The following FRMD5 variants were observed in gnomAD, a reference collection of about 807,000 sequenced individuals.
FRMD5 encodes FERM domain-containing protein 5.
Under a neutral mutation model 69.0 loss-of-function variants are expected in FRMD5, and 20 were observed. The observed-to-expected ratio is 0.29, with a 90% CI of 0.20 to 0.42. FRMD5 has a LOEUF of 0.42. Among genes scored for constraint, FRMD5 ranks in the 10% least tolerant of loss-of-function variants. The pLI is 1.00. For missense variants in FRMD5, 595 were observed against 708.6 expected, an observed-to-expected ratio of 0.84 and a Z score of 1.82; for synonymous variants, 271 against 260.1, an observed-to-expected ratio of 1.04 and a Z score of -0.40.
intron 1 of FRMD5, among the ~76,000 whole-genome samples, chr15:44,161,289 T>C (rs1466874701): frequency 1.3e-5 from 2 of 152,224 alleles, no homozygotes; most frequent in Non-Finnish European, 2.9e-5. Context: ...CTAACCATGC[T>C]CATCTTGAGT....
chr15:43,952,990 A>G (rs1045030934), intron 1 of FRMD5, among the ~76,000 whole-genome samples: 1 of 152,244 alleles, frequency 6.6e-6, no homozygotes, highest in African/African-American at 2.4e-5. Context: ...ACTGCTGAAG[A>G]ACCCCAGAAG....
rs928101399 is a variant in FRMD5 at position 43,871,943 on chromosome 15, A to C, written c.*1942T>G. 6 of 152,240 alleles carry C rather than the reference A, an allele frequency of 3.9e-5. No homozygotes were observed. The highest frequency in any genetic ancestry group is 8.8e-5 in the Non-Finnish European group (6 of 68,042). The allele number at this position is 152,240 out of a possible 1,614,324, so 9.4% of individuals were successfully genotyped here. A position where few individuals can be genotyped will look rare whatever the true frequency, so the allele number is the denominator to read the frequency against. ...AGCTGACTGACCCTCTTCTGCTAAC[A>C]TACTGGTAAGGATCAGTTTTATTGT... is the stretch of plus-strand genomic sequence containing the variant. On this transcript the variant is annotated 3_prime_UTR_variant, in exon 14 of 14. Transcript: ENST00000417257.
chr15:44,147,039 T>C (rs1361346971), intron 1 of FRMD5, among the ~76,000 whole-genome samples: 1 of 152,222 alleles, frequency 6.6e-6, no homozygotes, highest in African/African-American at 2.4e-5. Context: ...TTGCTTTTGA[T>C]ATTTTTGTCA....
At chr15:44,149,898 C>T (rs1595524683) in intron 1 of FRMD5, among the ~76,000 whole-genome samples, 1 of 151,934 alleles carries the variant, frequency 6.6e-6, no homozygotes, top group East Asian at 1.9e-4. Flanking sequence ...AAAATTGATG[C>T]AAAAATCCTC....
chr15:44,027,011 G>A (rs936509135), intron 1 of FRMD5, among the ~76,000 whole-genome samples: 4 of 152,156 alleles, frequency 2.6e-5, no homozygotes, highest in African/African-American at 9.7e-5. Flanking sequence ...ATAGCAAGAA[G>A]AATCTGTGGT....
At chr15:43,922,546 C>T (rs2089512399) in intron 2 of FRMD5, among the ~76,000 whole-genome samples, 1 of 152,172 alleles carries the variant, frequency 6.6e-6, no homozygotes, top group African/African-American at 2.4e-5. Flanking sequence ...CACATATTCT[C>T]TTACTCTCCT....
chr15:43,887,266 C>G (rs1309355659), intron 10 of FRMD5, among the ~76,000 whole-genome samples: 1 of 152,204 alleles, frequency 6.6e-6, no homozygotes, highest in Non-Finnish European at 1.5e-5. Flanking sequence ...GACCCCAGTT[C>G]TTGGGCTGCT....
At chr15:44,120,886 G>A (rs1466651316) in intron 1 of FRMD5, among the ~76,000 whole-genome samples, 1 of 152,044 alleles carries the variant, frequency 6.6e-6, no homozygotes, top group Non-Finnish European at 1.5e-5. Flanking sequence ...GTGCTGGAAT[G>A]AACCCAAGTA....
chr15:44,167,811 G>A (rs1227024572), intron 1 of FRMD5, among the ~76,000 whole-genome samples: 1 of 152,080 alleles, frequency 6.6e-6, no homozygotes, highest in Admixed American at 6.5e-5. Context: ...GGCTGATCTC[G>A]AACTCCTGAC....
rs2088183662 is a variant in FRMD5 at position 43,872,404 on chromosome 15, T to C, written c.*1481A>G. On this transcript the variant is annotated 3_prime_UTR_variant, in exon 14 of 14. Transcript: ENST00000417257. ...TTGTGTGGGTCCAGGAATATGTCCA[T>C]TGACCACCCTTAAATAAGCCCTCAA... 6.6e-6 allele frequency: 1 copy of C among 152,184 alleles called. No individual in the cohort carries two copies. Among genetic ancestry groups the C allele is most frequent in the Admixed American group, 6.5e-5 (1 of 15,272 alleles). 9.4% of individuals were successfully genotyped at this position (152,184 alleles called of 1,614,324 possible).
chr15:43,889,948 G>A (rs143955684), intron 8 of FRMD5, among the ~76,000 whole-genome samples: 1 of 152,292 alleles, frequency 6.6e-6, no homozygotes, highest in African/African-American at 2.4e-5. Flanking sequence ...AAGGTAGCGA[G>A]AATCATGTAC....
chr15:44,050,313 T>A (rs1892602550), intron 1 of FRMD5, among the ~76,000 whole-genome samples: 1 of 152,136 alleles, frequency 6.6e-6, no homozygotes, highest in Non-Finnish European at 1.5e-5. Context: ...AAAAAAATGA[T>A]AGAGAAGTTA....
intron 1 of FRMD5, among the ~76,000 whole-genome samples, chr15:44,131,309 G>A (rs2077093752): frequency 6.6e-6 from 1 of 152,056 alleles, no homozygotes; most frequent in Non-Finnish European, 1.5e-5. Flanking sequence ...ACAAGTGTTG[G>A]TGAGGATATG....
chr15:43,962,083 G>A (rs1280686275), intron 1 of FRMD5, among the ~76,000 whole-genome samples: 2 of 152,040 alleles, frequency 1.3e-5, no homozygotes, highest in African/African-American at 4.8e-5. Flanking sequence ...GGAAATAAAG[G>A]GCATTCAATT....
chr15:44,072,871 T>C (rs552380634), intron 1 of FRMD5, among the ~76,000 whole-genome samples: 42 of 152,308 alleles, frequency 2.8e-4, no homozygotes, highest in African/African-American at 9.4e-4. Flanking sequence ...GGCTCACACC[T>C]ATAATGCCAG....
intron 1 of FRMD5, among the ~76,000 whole-genome samples, chr15:44,065,897 G>A (rs1893289575): frequency 6.6e-6 from 1 of 152,034 alleles, no homozygotes. Context: ...CAAAACAGAT[G>A]ATACAGTTTG....
At chr15:44,195,374 A>G (rs1246887593), upstream of FRMD5, 7 of 400,766 alleles carry the variant, frequency 1.7e-5, no homozygotes, top group African/African-American at 1.3e-4. Flanking sequence ...GCAGACCGAA[A>G]AGCCAATCGA....
chr15:44,075,266 G>T (rs1893710209), intron 1 of FRMD5, among the ~76,000 whole-genome samples: 1 of 152,078 alleles, frequency 6.6e-6, no homozygotes, highest in South Asian at 2.1e-4. Flanking sequence ...TAATGAATTG[G>T]ATGGGAAATG....
At chr15:44,089,252 A>C (rs1233371819) in intron 1 of FRMD5, among the ~76,000 whole-genome samples, 2 of 152,160 alleles carry the variant, frequency 1.3e-5, no homozygotes, top group East Asian at 3.9e-4. Flanking sequence ...CATGCTTTTA[A>C]ATCTTTGTGA....
Sources: gnomAD v4.1 joint callset for allele counts (sites outside exome capture counted in the v4.1 genomes callset) on GRCh38, gnomAD v4.1.1 for gene constraint, MANE v1.5 for transcripts, NCBI Gene and HGNC (gene_info 2026-07-23, HGNC 2026-07-21) for gene names.